Variants in DYDC2 observed in about 807,000 individuals in gnomAD.
DYDC2 encodes the protein DPY30 domain containing 2.
Under a neutral mutation model 18.7 loss-of-function variants are expected in DYDC2, and 19 were observed. The ratio of observed to expected loss-of-function variants is 1.02; its 90% CI spans 0.71 to 1.49. DYDC2 has a LOEUF of 1.49. DYDC2 is among the 40% of genes most tolerant of loss of function. DYDC2 has a pLI of 0.00. For synonymous variants in DYDC2, 63 were observed against 67.6 expected, an observed-to-expected ratio of 0.93 and a Z score of 0.34; for missense variants, 179 against 205.1, an observed-to-expected ratio of 0.87 and a Z score of 0.78.
upstream of DYDC2, chr10:80,356,325 G>A: frequency 3.0e-6 from 3 of 985,686 alleles, no homozygotes; most frequent in Non-Finnish European, 3.6e-6. Context: ...TGAAGAAGGT[G>A]CCACAGAGAT....
chr10:80,352,835 A>C (rs567645032), upstream of DYDC2: 1 of 400,318 alleles, frequency 2.5e-6, no homozygotes, highest in African/African-American at 2.1e-5. Context: ...ATCCTGAAGG[A>C]CTCTCAAGTC....
chr10:80,354,957 T>C (rs959489895), upstream of DYDC2, among the ~76,000 whole-genome samples: 1 of 152,056 alleles, frequency 6.6e-6, no homozygotes, highest in African/African-American at 2.4e-5. Flanking sequence ...GAAAGGAAGA[T>C]AAATATTTAA....
At chr10:80,358,158 A>C in intron 2 of DYDC2, 113 bp downstream of exon 2, 1 of 735,708 alleles carries the variant, frequency 1.4e-6, no homozygotes, top group South Asian at 6.1e-5. Context: ...TGGGCGGATC[A>C]CCTGAGGTGA....
chr10:80,347,209 G>A (rs532670387), intron 1 of DYDC2, among the ~76,000 whole-genome samples: 36 of 149,974 alleles, frequency 2.4e-4, no homozygotes, highest in African/African-American at 7.8e-4. Context: ...TATACCTGTT[G>A]GCCACTTTTA....
upstream of DYDC2, among the ~76,000 whole-genome samples, chr10:80,355,986 T>TAAAA (rs370903702): frequency 8.4e-6 from 1 of 118,892 alleles, no homozygotes; most frequent in African/African-American, 3.1e-5. Context: ...GAAGTGAAGT[T>TAAAA]AAAAAAAAAA....
chr10:80,351,816 G>C, upstream of DYDC2: 1 of 1,184,744 alleles, frequency 8.4e-7, no homozygotes, highest in Non-Finnish European at 1.2e-6. Flanking sequence ...ACTGGAGCTG[G>C]GAAGTTTATC....
rs553740804 is a variant in DYDC2, at chr10:80,349,058, A to AT, written c.-310+4249dup. Among the ~76,000 whole-genome samples, 94 of 152,036 alleles carry AT rather than the reference A, an allele frequency of 6.2e-4. 1 individual carries two copies. In the East Asian group the frequency reaches 0.018, roughly 29 times the overall value. The stretch of plus-strand genomic sequence containing the variant: ...AGGAGCCCACCACCACGCCCGGCTA[A>AT]TTTTTTGTATTTTTAGTAGAGACGG... On this transcript the variant is annotated intron_variant, in intron 1 of 4. Transcript: ENST00000372197.
At chr10:80,360,483 TC>T (rs897945358) in intron 2 of DYDC2, among the ~76,000 whole-genome samples, 3 of 152,116 alleles carry the variant, frequency 2.0e-5, no homozygotes, top group African/African-American at 7.2e-5. Flanking sequence ...TCCAGGATAA[TC>T]CCCCTATCTC....
chr10:80,358,719 G>T (rs1843552590), intron 2 of DYDC2, among the ~76,000 whole-genome samples: 1 of 152,162 alleles, frequency 6.6e-6, no homozygotes, highest in Non-Finnish European at 1.5e-5. Flanking sequence ...AATCTGTGGT[G>T]GGACCTGAGA....
At chr10:80,360,028 T>C (rs952253779) in intron 2 of DYDC2, among the ~76,000 whole-genome samples, 1 of 152,214 alleles carries the variant, frequency 6.6e-6, no homozygotes, top group African/African-American at 2.4e-5. Context: ...GCCAGCACGC[T>C]GTCACCTCTC....
chr10:80,351,940 C>T (rs1843009075), upstream of DYDC2: 3 of 1,614,078 alleles, frequency 1.9e-6, no homozygotes, highest in African/African-American at 4.0e-5. Context: ...GCCTCTCCAT[C>T]ATTTCCTGCT....
chr10:80,358,445 T>C lies in DYDC2; in HGVS notation c.-10+400T>C, dbSNP rs146969628. Among the ~76,000 whole-genome samples the C allele has an allele frequency of 5.8e-3, 885 of 152,336 alleles. 9 individuals carry two copies. The highest frequency in any genetic ancestry group is 0.02 in the African/African-American group (850 of 41,584). The stretch of plus-strand genomic sequence containing the variant: ...CAGCCCTCAGATTATGGCTCTATGC[T>C]GGCTCTACTGTCTTTGTACCATATT... On this transcript the variant is annotated intron_variant, in intron 2 of 4. Transcript: ENST00000256039.
chr10:80,363,565 G>A (rs1843734488), intron 4 of DYDC2, among the ~76,000 whole-genome samples: 1 of 150,022 alleles, frequency 6.7e-6, no homozygotes, highest in South Asian at 2.1e-4. Context: ...AACCAGGATG[G>A]TCTTGATCTC....
intron 1 of DYDC2, among the ~76,000 whole-genome samples, chr10:80,350,013 C>G (rs1050756385): frequency 1.3e-5 from 2 of 152,198 alleles, no homozygotes; most frequent in African/African-American, 4.8e-5. Context: ...CAACCTCCAG[C>G]TTACATGACT....
intron 3 of DYDC2, among the ~76,000 whole-genome samples, 157 bp downstream of exon 3, chr10:80,362,747 G>A (rs1310211320): frequency 6.6e-6 from 1 of 152,148 alleles, no homozygotes; most frequent in African/African-American, 2.4e-5. Flanking sequence ...GGGATCCTGG[G>A]GGCTAACTCA....
chr10:80,350,948 C>T (rs1316156402), intron 1 of DYDC2, among the ~76,000 whole-genome samples: 1 of 152,186 alleles, frequency 6.6e-6, no homozygotes, highest in African/African-American at 2.4e-5. Flanking sequence ...GGTCTGCCTG[C>T]TCCACTTCTT....
chr10:80,354,452 C>T (rs1843226781), upstream of DYDC2: 1 of 145,832 alleles, frequency 6.9e-6, no homozygotes, highest in Non-Finnish European at 1.5e-5. Flanking sequence ...TGCCATTGCA[C>T]TCCAGCCTGG....
At chr10:80,352,432 C>T (rs560947263), upstream of DYDC2, 2 of 1,548,742 alleles carry the variant, frequency 1.3e-6, no homozygotes, top group Non-Finnish European at 1.7e-6. Context: ...CTTCTAATTT[C>T]CTAGAAGGAG....
At chr10:80,364,741 T>C (rs1489956460) in intron 4 of DYDC2, among the ~76,000 whole-genome samples, 2 of 152,050 alleles carry the variant, frequency 1.3e-5, no homozygotes, top group Non-Finnish European at 2.9e-5. Flanking sequence ...TAGAAAAGAG[T>C]TCATGTGTAG....
Sources: gnomAD v4.1 joint callset for allele counts (sites outside exome capture counted in the v4.1 genomes callset) on GRCh38, gnomAD v4.1.1 for gene constraint, MANE v1.5 for transcripts, NCBI Gene and HGNC (gene_info 2026-07-23, HGNC 2026-07-21) for gene names.